Variants in NKX6-2 observed in about 807,000 individuals in gnomAD.
NKX6-2 encodes NK6 homeobox 2, also known as homeobox protein Nkx-6.2.
NKX6-2 carries 22 observed loss-of-function variants against 19.9 expected under a neutral mutation model. The observed-to-expected ratio is 1.10, with a 90% CI of 0.79 to 1.58. The LOEUF is 1.58. NKX6-2 is among the 40% of genes most tolerant of loss of function. The probability of loss-of-function intolerance (pLI) is 0.00; values close to 1 mark genes in which losing one functional copy is unlikely to be tolerated. For missense variants in NKX6-2, 475 were observed against 410.6 expected (o/e 1.16, Z -1.35); for synonymous variants, 257 against 204.0 (o/e 1.26, Z -2.21).
In NKX6-2 at chr10:132,785,345, A is replaced by G. The variant is rs1432814851; in HGVS notation, c.514T>C (p.Tyr172His). 12 of 1,606,658 alleles carry G rather than the reference A, an allele frequency of 7.5e-6. No individual in the cohort carries two copies. Among genetic ancestry groups the G allele is most frequent in the Non-Finnish European group, 1.0e-5 (12 of 1,177,708 alleles). The change falls in exon 2 of 3, where the codon TAC (tyrosine) becomes CAC (histidine). Residue 172 changes from tyrosine to histidine, a missense_variant. Transcript: ENST00000368592. This position sits in a 1 kb window ranked among gnomAD's most constrained non-coding sequence, Gnocchi z 5.5. ...CGCGCGCGCTCCGGGCCCGCCAGGT[A>G]CTTGGTCTGCTCGAAGGTTTTCTCC... is the stretch of plus-strand genomic sequence containing the variant. Reference protein sequence around the residue: ...ALEKTFEQTKYLAGPERARLA... With the variant: ...ALEKTFEQTKHLAGPERARLA...
Position 132,785,324 on chromosome 10 carries a change from C to G in NKX6-2, c.535G>C (p.Ala179Pro). The change falls in exon 2 of 3, where the codon GCG becomes CCG. Residue 179 changes from alanine to proline, a missense_variant. By Grantham distance (27) the Ala-to-Pro change is conservative. Transcript: ENST00000368592. This position sits in a 1 kb window ranked among gnomAD's most constrained non-coding sequence, Gnocchi z 5.5. The part of the protein sequence containing the change: ...QTKYLAGPER[A>P]RLAYSLGMTE... Reference sequence around the variant, plus strand: ...ATGCCCAGCGAGTAGGCGAGACGCGCGCGCTCCGGGCCCGCCAGGTACTTG... The same window carrying G: ...ATGCCCAGCGAGTAGGCGAGACGCGGGCGCTCCGGGCCCGCCAGGTACTTG... 1 of 1,606,006 alleles carries G rather than the reference C, an allele frequency of 6.2e-7. No homozygotes were observed. The highest frequency in any genetic ancestry group is 8.5e-7 in the Non-Finnish European group (1 of 1,177,462).
At position 132,783,709 on chromosome 10, in the gene NKX6-2, C is replaced by T. The variant is rs1847208134; in HGVS notation, c.*1207G>A. Reference sequence around the variant, plus strand: ...GGATTTATCCCTCAACATTTTAAAACGGGATTATATCAACGCTTTGCCTTC... The same window carrying T: ...GGATTTATCCCTCAACATTTTAAAATGGGATTATATCAACGCTTTGCCTTC... On this transcript the variant is annotated 3_prime_UTR_variant, in exon 3 of 3. Coordinates refer to ENST00000368592, the MANE Select transcript of NKX6-2 (RefSeq NM_177400.3). The T allele has an allele frequency of 1.3e-5, 2 of 152,160 alleles. No homozygotes were observed. Among genetic ancestry groups the T allele is most frequent in the South Asian group, 2.1e-4 (1 of 4,830 alleles). The allele number at this position is 152,160 out of a possible 1,614,324, so 9.4% of individuals were successfully genotyped here.
At position 132,784,608 on chromosome 10, in the gene NKX6-2, C is replaced by A. The variant is rs943437932; in HGVS notation, c.*308G>T. Reference sequence around the variant, plus strand: ...CGTCCCGGGCTCCTGGCGGCTGTCGCTGCGGTTCCTTCCCGCGGGCCGGGC... The same window carrying A: ...CGTCCCGGGCTCCTGGCGGCTGTCGATGCGGTTCCTTCCCGCGGGCCGGGC... On this transcript the variant is annotated 3_prime_UTR_variant, in exon 3 of 3. Coordinates refer to ENST00000368592, the MANE Select transcript of NKX6-2 (RefSeq NM_177400.3). 3.1e-6 allele frequency: 1 copy of A among 317,500 alleles called. No individual in the cohort carries two copies. The highest frequency in any genetic ancestry group is 2.2e-5 in the African/African-American group (1 of 45,406). The allele number at this position is 317,500 out of a possible 1,614,324, so 19.7% of individuals were successfully genotyped here.
chr10:132,785,098 GCTT>G lies in NKX6-2; in HGVS notation c.649_651del (p.Lys217del), dbSNP rs762381662. 1.9e-6 allele frequency: 3 copies of G among 1,610,984 alleles called. No individual in the cohort carries two copies. Among genetic ancestry groups the G allele is most frequent in the South Asian group, 1.1e-5 (1 of 91,024 alleles). On this transcript the variant is annotated inframe_deletion, in exon 3 of 3. Coordinates refer to ENST00000368592, the MANE Select transcript of NKX6-2 (RefSeq NM_177400.3). The surrounding 1 kb of genome is among the most constrained non-coding windows in gnomAD (Gnocchi z 5.5). ...TTCAGCTTCTCGGCGTCCGAGTCCT[GCTT>G]CTTCTTGGCCGACGCCATCTCCACC...
At position 132,784,814 on chromosome 10, in the gene NKX6-2, G is replaced by A. The variant is rs1847229045; in HGVS notation, c.*102C>T. 4 of 872,522 alleles carry A rather than the reference G, an allele frequency of 4.6e-6. No homozygotes were observed. The highest frequency in any genetic ancestry group is 3.3e-5 in the South Asian group (2 of 59,858). The allele number at this position is 872,522 out of a possible 1,614,324, so 54.0% of individuals were successfully genotyped here. A position where few individuals can be genotyped will look rare whatever the true frequency, so the allele number is the denominator to read the frequency against. ...AGGCTCCGGAGCGACGGCTCCGACGGGGACCCGTTAAATAATTTATTGATG... is the reference window on the plus strand; with the variant it reads ...AGGCTCCGGAGCGACGGCTCCGACGAGGACCCGTTAAATAATTTATTGATG... On this transcript the variant is annotated 3_prime_UTR_variant, in exon 3 of 3. Transcript: ENST00000368592.
chr10:132,785,721 C>A lies in NKX6-2; in HGVS notation c.228G>T (p.Leu76=), dbSNP rs902759547. 4 of 1,236,692 alleles carry A rather than the reference C, an allele frequency of 3.2e-6. No homozygotes were observed. The highest frequency in any genetic ancestry group is 3.2e-4 in the Middle Eastern group (1 of 3,164). 76.6% of individuals were successfully genotyped at this position (1,236,692 alleles called of 1,614,324 possible). ...GCCCGTTGAGCCGGGGCAGCCCCCC[C>A]AGGAGGCCCCCGCCCGCCGCGCCCA... ...RPVGAAGGGL[L]GGLPRLNGLA... Residue 76 remains leucine (L), a synonymous_variant, in exon 1 of 3, where the codon CTG becomes CTT. Transcript: ENST00000368592. This position sits in a 1 kb window ranked among gnomAD's most constrained non-coding sequence, Gnocchi z 5.5.
In NKX6-2 at chr10:132,785,810, C is replaced by T; in HGVS notation, c.139G>A (p.Gly47Ser). Reference protein sequence around the residue: ...PAGFKAPALGGLGAQLPLGTP... With the variant: ...PAGFKAPALGSLGAQLPLGTP... Reference sequence around the variant, plus strand: ...CCGAGCGGGAGCTGCGCGCCCAGGCCCCCCAGCGCGGGCGCCTTGAAGCCG... The same window carrying T: ...CCGAGCGGGAGCTGCGCGCCCAGGCTCCCCAGCGCGGGCGCCTTGAAGCCG... The change falls in exon 1 of 3, where the codon GGC becomes AGC. Residue 47 changes from glycine (G) to serine (S), a missense_variant. Transcript: ENST00000368592. This position sits in a 1 kb window ranked among gnomAD's most constrained non-coding sequence, Gnocchi z 5.5. 7.3e-7 allele frequency: 1 copy of T among 1,374,866 alleles called. No homozygotes were observed. The highest frequency in any genetic ancestry group is 9.4e-7 in the Non-Finnish European group (1 of 1,060,896). 85.2% of individuals were successfully genotyped at this position (1,374,866 alleles called of 1,614,324 possible). A position where few individuals can be genotyped will look rare whatever the true frequency, so the allele number is the denominator to read the frequency against.
chr10:132,785,952 C>T lies in NKX6-2; in HGVS notation c.-4G>A, dbSNP rs779987195. ...CGCCCGGGCGGTTAGTGTCCATGGGCGCCGCCGCCGCCGGCCCGGGCTCCC... is the reference window on the plus strand; with the variant it reads ...CGCCCGGGCGGTTAGTGTCCATGGGTGCCGCCGCCGCCGGCCCGGGCTCCC... On this transcript the variant is annotated 5_prime_UTR_variant, in exon 1 of 3. Transcript: ENST00000368592. This position sits in a 1 kb window ranked among gnomAD's most constrained non-coding sequence, Gnocchi z 5.5. The T allele has an allele frequency of 3.9e-6, 4 of 1,013,022 alleles. No individual in the cohort carries two copies. The highest frequency in any genetic ancestry group is 3.8e-6 in the Non-Finnish European group (3 of 785,018). 62.8% of individuals were successfully genotyped at this position (1,013,022 alleles called of 1,614,324 possible).
rs747310106 is a variant in NKX6-2, at chr10:132,785,139, C to T, written c.611G>A (p.Arg204His). 1.2e-6 allele frequency: 2 copies of T among 1,611,710 alleles called. No individual in the cohort carries two copies. The highest frequency in any genetic ancestry group is 1.3e-5 in the African/African-American group (1 of 74,914). ...VWFQNRRTKW[R>H]KRHAVEMASA... ...CGCCATCTCCACCGCGTGCCGCTTG[C>T]GCCACTTGGTCCGGCGGTTCTGGAA... Residue 204 changes from arginine to histidine, a missense_variant, in exon 3 of 3, where the codon CGC becomes CAC. Transcript: ENST00000368592. The surrounding 1 kb of genome is among the most constrained non-coding windows in gnomAD (Gnocchi z 5.5).
rs368915941 is a variant in NKX6-2 at position 132,784,946 on chromosome 10, C to T, written c.804G>A (p.Pro268=). ...HKPSNLALVS[P]CGGGAGDAL ...AGGCGTCCCCCGCGCCGCCGCCGCA[C>T]GGGCTGACCAGCGCCAAGTTCGAGG... The change falls in exon 3 of 3, where the codon CCG becomes CCA. Residue 268 remains proline, a synonymous_variant. Transcript: ENST00000368592. 9 of 1,612,458 alleles carry T rather than the reference C, an allele frequency of 5.6e-6. No individual in the cohort carries two copies. The African/African-American group carries it at 1.1e-4, about 19-fold the overall frequency.
Position 132,785,390 on chromosome 10 carries a change from C to T in NKX6-2, c.469G>A (p.Gly157Ser). The change falls in exon 2 of 3, where the codon GGC becomes AGC. Residue 157 changes from glycine (G) to serine (S), a missense_variant. Gly to Ser is a moderately conservative substitution (Grantham distance 56). Transcript: ENST00000368592. The surrounding 1 kb of genome is among the most constrained non-coding windows in gnomAD (Gnocchi z 5.5). ...TTCTCCAGCGCGAAGATCTGCTGGC[C>T]CGAGAAGGTCGGGCGCGAGTGCTTC... ...KKKHSRPTFS[G>S]QQIFALEKTF... 6.2e-7 allele frequency: 1 copy of T among 1,603,992 alleles called. No homozygotes were observed.
Position 132,785,503 on chromosome 10 carries a change from C to G in NKX6-2, c.406+40G>C, listed in dbSNP as rs1038672003. On this transcript the variant is annotated intron_variant, in intron 1 of 2. Coordinates refer to ENST00000368592, the MANE Select transcript of NKX6-2 (RefSeq NM_177400.3). The surrounding 1 kb of genome is among the most constrained non-coding windows in gnomAD (Gnocchi z 5.5). ...GTCAGCGGCCGGCGGGGTCCCCCTC[C>G]GCGCCCACCCGCCCCGCACCCCCCG... 7.6e-5 allele frequency: 108 copies of G among 1,430,416 alleles called. No homozygotes were observed. The highest frequency in any genetic ancestry group is 8.2e-5 in the Non-Finnish European group (89 of 1,091,926). 88.6% of individuals were successfully genotyped at this position (1,430,416 alleles called of 1,614,324 possible). A position where few individuals can be genotyped will look rare whatever the true frequency, so the allele number is the denominator to read the frequency against.
rs1591014801 is a variant in NKX6-2 at position 132,784,931 on chromosome 10, C to T, written c.819G>A (p.Ala273=). ...LALVSPCGGG[A]GDAL The stretch of plus-strand genomic sequence containing the variant: ...CCGCGGGTCCTCACAAGGCGTCCCC[C>T]GCGCCGCCGCCGCACGGGCTGACCA... Residue 273 remains alanine, a synonymous_variant, in exon 3 of 3, where the codon GCG becomes GCA. Coordinates refer to ENST00000368592, the MANE Select transcript of NKX6-2 (RefSeq NM_177400.3). 1 of 1,612,114 alleles carries T rather than the reference C, an allele frequency of 6.2e-7. No homozygotes were observed. The highest frequency in any genetic ancestry group is 1.1e-5 in the South Asian group (1 of 91,050).
Position 132,785,860 on chromosome 10 carries a change from A to C in NKX6-2, c.89T>G (p.Phe30Cys), listed in dbSNP as rs1471066951. 2 of 1,383,482 alleles carry C rather than the reference A, an allele frequency of 1.4e-6. No homozygotes were observed. The highest frequency in any genetic ancestry group is 2.9e-5 in the East Asian group (1 of 34,964). The allele number at this position is 1,383,482 out of a possible 1,614,324, so 85.7% of individuals were successfully genotyped here. ...HNMAEMKTSL[F>C]PYALQGPAGF... ...GGCCGGACCCTGCAGCGCGTAGGGG[A>C]ACAGCGACGTCTTCATCTCGGCCAT... The change falls in exon 1 of 3, where the codon TTC (phenylalanine) becomes TGC (cysteine). Residue 30 changes from phenylalanine (F) to cysteine (C), a missense_variant. Phe to Cys is a radical substitution (Grantham distance 205). Transcript: ENST00000368592. The surrounding 1 kb of genome is among the most constrained non-coding windows in gnomAD (Gnocchi z 5.5).
In NKX6-2 at chr10:132,785,357, C is replaced by A; in HGVS notation, c.502G>T (p.Glu168Ter). The change falls in exon 2 of 3, where the codon GAG becomes TAG. Residue 168 changes from glutamate to a stop codon, truncating the protein, a stop_gained. Transcript: ENST00000368592. LOFTEE classifies it high-confidence loss of function. This position sits in a 1 kb window ranked among gnomAD's most constrained non-coding sequence, Gnocchi z 5.5. The part of the protein sequence containing the change: ...QQIFALEKTF[E>*]QTKYLAGPER... ...GGGCCCGCCAGGTACTTGGTCTGCT[C>A]GAAGGTTTTCTCCAGCGCGAAGATC... The A allele has an allele frequency of 6.2e-7, 1 of 1,606,046 alleles. No individual in the cohort carries two copies. Among genetic ancestry groups the A allele is most frequent in the Non-Finnish European group, 8.5e-7 (1 of 1,177,566 alleles).
chr10:132,785,168 G>C lies in NKX6-2; in HGVS notation c.582C>G (p.Val194=). 3.7e-6 allele frequency: 6 copies of C among 1,610,984 alleles called. No homozygotes were observed. Among genetic ancestry groups the C allele is most frequent in the Non-Finnish European group, 5.1e-6 (6 of 1,179,330 alleles). Residue 194 remains valine (V), a splice_region_variant and synonymous_variant, in exon 3 of 3, where the codon GTC becomes GTG. Transcript: ENST00000368592. The surrounding 1 kb of genome is among the most constrained non-coding windows in gnomAD (Gnocchi z 5.5). The part of the protein sequence containing the change: ...SLGMTESQVK[V]WFQNRRTKWR... ...ACTTGGTCCGGCGGTTCTGGAACCA[G>C]ACCTGGGAGTGGACGGGGCGGTCAG...
At position 132,785,705 on chromosome 10, in the gene NKX6-2, GC is replaced by G; in HGVS notation, c.243del (p.Leu82SerfsTer106). 8.1e-7 allele frequency: 1 copy of G among 1,241,392 alleles called. No individual in the cohort carries two copies. Among genetic ancestry groups the G allele is most frequent in the South Asian group, 3.2e-5 (1 of 30,794 alleles). The allele number at this position is 1,241,392 out of a possible 1,614,324, so 76.9% of individuals were successfully genotyped here. A position where few individuals can be genotyped will look rare whatever the true frequency, so the allele number is the denominator to read the frequency against. Reference sequence around the variant, plus strand: ...CCGGCGGACGACGCGAGCCCGTTGAGCCGGGGCAGCCCCCCCAGGAGGCCCC... The same window carrying G: ...CCGGCGGACGACGCGAGCCCGTTGAGCGGGGCAGCCCCCCCAGGAGGCCCC... Reference protein sequence around the residue: ...AGGGLLGGLPRLNGLASSAGV... With the variant: ...AGGGLLGGLPXLNGLASSAGV... On this transcript the variant is annotated frameshift_variant, in exon 1 of 3. Transcript: ENST00000368592. LOFTEE classifies it high-confidence loss of function. This position sits in a 1 kb window ranked among gnomAD's most constrained non-coding sequence, Gnocchi z 5.5.
In NKX6-2 at chr10:132,784,771, G is replaced by A; in HGVS notation, c.*145C>T. The A allele has an allele frequency of 4.4e-6, 3 of 681,086 alleles. No homozygotes were observed. Among genetic ancestry groups the A allele is most frequent in the South Asian group, 3.9e-5 (2 of 51,394 alleles). 42.2% of individuals were successfully genotyped at this position (681,086 alleles called of 1,614,324 possible). On this transcript the variant is annotated 3_prime_UTR_variant, in exon 3 of 3. Coordinates refer to ENST00000368592, the MANE Select transcript of NKX6-2 (RefSeq NM_177400.3). The stretch of plus-strand genomic sequence containing the variant: ...GGCCGCCTCGCTCCGGGTTCGAGAC[G>A]GAAGAAACACGCGGCGCAGGCTCCG...
At position 132,785,951 on chromosome 10, in the gene NKX6-2, G is replaced by C. The variant is rs746889156; in HGVS notation, c.-3C>G. ...GCGCCCGGGCGGTTAGTGTCCATGGGCGCCGCCGCCGCCGGCCCGGGCTCC... is the reference window on the plus strand; with the variant it reads ...GCGCCCGGGCGGTTAGTGTCCATGGCCGCCGCCGCCGCCGGCCCGGGCTCC... On this transcript the variant is annotated 5_prime_UTR_variant, in exon 1 of 3. Transcript: ENST00000368592. This position sits in a 1 kb window ranked among gnomAD's most constrained non-coding sequence, Gnocchi z 5.5. 1.9e-6 allele frequency: 2 copies of C among 1,072,814 alleles called. 1 individual carries two copies. Among genetic ancestry groups the C allele is most frequent in the South Asian group, 6.6e-5 (2 of 30,390 alleles). 66.5% of individuals were successfully genotyped at this position (1,072,814 alleles called of 1,614,324 possible).
Sources: gnomAD v4.1 joint callset for allele counts on GRCh38, gnomAD v4.1.1 for gene constraint, Gnocchi (gnomAD v3.1) non-coding constraint, MANE v1.5 for transcripts, NCBI Gene and HGNC (gene_info 2026-07-23, HGNC 2026-07-21) for gene names.